Variants in DLAT observed in about 807,000 individuals in gnomAD.
The protein encoded by DLAT is dihydrolipoyllysine-residue acetyltransferase component of pyruvate dehydrogenase complex, mitochondrial.
Under a neutral mutation model 68.0 loss-of-function variants are expected in DLAT, and 43 were observed. The ratio of observed to expected loss-of-function variants is 0.63; its 90% confidence interval spans 0.50 to 0.81. The LOEUF (loss-of-function observed/expected upper bound fraction) is 0.81, where lower values mean the gene tolerates loss of function less well. Ranked by LOEUF, DLAT falls within the 40% of genes least tolerant of loss-of-function variation. The pLI, the probability that DLAT is intolerant of heterozygous loss-of-function variation, is 0.00. For synonymous variants in DLAT, 265 were observed against 288.6 expected (o/e 0.92, Z 0.83); for missense variants, 745 against 815.4 (o/e 0.91, Z 1.05).
chr11:112,060,911 G>A (rs1202448719), intron 12 of DLAT, 127 bp from the exon 13 acceptor site: 1 of 735,322 alleles, frequency 1.4e-6, no homozygotes, highest in Non-Finnish European at 2.2e-6. Flanking sequence ...TCAGTAATGT[G>A]TATTCCATTC....
rs1592648518 is a variant in DLAT at position 112,025,426 on chromosome 11, A to G, written c.-47A>G. The G allele has an allele frequency of 6.3e-7, 1 of 1,586,120 alleles. No homozygotes were observed. ...CAACGCCGCTGCTCTTGGAGAGGTC[A>G]CTCCGGAGACGGCGTTGGTTTTGGG... is the stretch of plus-strand genomic sequence containing the variant. On this transcript the variant is annotated 5_prime_UTR_variant, in exon 1 of 14. Coordinates refer to ENST00000280346, the MANE Select transcript of DLAT (RefSeq NM_001931.5).
intron 11 of DLAT, among the ~76,000 whole-genome samples, chr11:112,052,509 A>G (rs1424534926): frequency 6.6e-6 from 1 of 152,182 alleles, no homozygotes; most frequent in Non-Finnish European, 1.5e-5. Flanking sequence ...TATGTTTATT[A>G]TAAAGGATAT....
rs1387756424 is a variant in DLAT at position 112,026,331 on chromosome 11, A to G, written c.381+32A>G. 1.4e-5 allele frequency: 16 copies of G among 1,170,050 alleles called. 1 individual carries two copies. Among genetic ancestry groups the G allele is most frequent in the Admixed American group, 3.2e-5 (1 of 31,186 alleles). The allele number at this position is 1,170,050 out of a possible 1,614,324, so 72.5% of individuals were successfully genotyped here. A position where few individuals can be genotyped will look rare whatever the true frequency, so the allele number is the denominator to read the frequency against. Reference sequence around the variant, plus strand: ...TTTTTTTTTTTTTTTTAATTAATTTATTTATTTTTTTTATTGATCATTCTT... The same window carrying G: ...TTTTTTTTTTTTTTTTAATTAATTTGTTTATTTTTTTTATTGATCATTCTT... On this transcript the variant is annotated intron_variant, in intron 2 of 13. Transcript: ENST00000280346.
At chr11:112,055,645 G>A (rs889737244) in intron 11 of DLAT, among the ~76,000 whole-genome samples, 187 of 151,884 alleles carry the variant, frequency 1.2e-3, no homozygotes, top group African/African-American at 4.1e-3. Context: ...CTCCTTCTAG[G>A]ATGCTGTTTG....
rs1864823916 is a variant in DLAT, at chr11:112,064,349, TG to T, written c.*1816del. ...AGAAAAAAGTTAGAAATAGTGTTTT[TG>T]GTTCATATGATTATTTAAAAATTAA... is the stretch of plus-strand genomic sequence containing the variant. On this transcript the variant is annotated 3_prime_UTR_variant, in exon 14 of 14. Transcript: ENST00000280346. 5.4e-6 allele frequency: 4 copies of T among 738,826 alleles called. No individual in the cohort carries two copies. In the South Asian group the frequency reaches 9.6e-5, roughly 18 times the overall value. The allele number at this position is 738,826 out of a possible 1,614,324, so 45.8% of individuals were successfully genotyped here. A position where few individuals can be genotyped will look rare whatever the true frequency, so the allele number is the denominator to read the frequency against.
chr11:112,026,243 G>C lies in DLAT; in HGVS notation c.325G>C (p.Ala109Pro). ...CCCCACAATGCAGGCAGGCACCATA[G>C]CCCGTTGGGAAAAAAAAGAGGGGGA... ...LSPTMQAGTIARWEKKEGDKI... is the reference protein window; with the variant it reads ...LSPTMQAGTIPRWEKKEGDKI... The change falls in exon 2 of 14, where the codon GCC becomes CCC. Residue 109 changes from alanine to proline, a missense_variant. Physicochemically the swap from Ala to Pro is conservative, Grantham distance 27. Transcript: ENST00000280346. 1 of 1,609,538 alleles carries C rather than the reference G, an allele frequency of 6.2e-7. No homozygotes were observed. Among genetic ancestry groups the C allele is most frequent in the Middle Eastern group, 1.7e-4 (1 of 6,026 alleles).
At chr11:112,061,522 G>T (rs1258404905) in intron 13 of DLAT, 1 of 294,280 alleles carries the variant, frequency 3.4e-6, no homozygotes, top group African/African-American at 2.2e-5. Flanking sequence ...TATGGATTCG[G>T]AACCCATGGA....
Position 112,048,073 on chromosome 11 carries a change from C to T in DLAT, c.1398+2103C>T, listed in dbSNP as rs587623743. 7.2e-5 allele frequency among the ~76,000 whole-genome samples: 11 copies of T among 152,228 alleles called. No individual in the cohort carries two copies. In the South Asian group the frequency reaches 8.3e-4, roughly 11 times the overall value. Reference sequence around the variant, plus strand: ...ACTTTGGGCAGTATGTCCATTTTCACGATATTGATTCTTCCTATGCATGAG... The same window carrying T: ...ACTTTGGGCAGTATGTCCATTTTCATGATATTGATTCTTCCTATGCATGAG... On this transcript the variant is annotated intron_variant, in intron 10 of 13. Coordinates refer to ENST00000280346, the MANE Select transcript of DLAT (RefSeq NM_001931.5).
intron 10 of DLAT, among the ~76,000 whole-genome samples, chr11:112,046,879 T>G (rs1238316893): frequency 1.3e-5 from 2 of 152,200 alleles, no homozygotes; most frequent in Non-Finnish European, 2.9e-5. Context: ...TGATGGGCAT[T>G]TGGCTTGGTT....
chr11:112,045,918 C>T lies in DLAT; in HGVS notation c.1346C>T (p.Ser449Phe). The T allele has an allele frequency of 6.2e-7, 1 of 1,612,450 alleles. No homozygotes were observed. The highest frequency in any genetic ancestry group is 8.5e-7 in the Non-Finnish European group (1 of 1,178,638). Residue 449 changes from serine (S) to phenylalanine (F), a missense_variant, in exon 10 of 14, where the codon TCT (serine) becomes TTT (phenylalanine). Coordinates refer to ENST00000280346, the MANE Select transcript of DLAT (RefSeq NM_001931.5). ...CAAACCATACCTCATTATTACCTTT[C>T]TATCGATGTAAATATGGGAGAAGTT... ...SKQTIPHYYL[S>F]IDVNMGEVLL... is the part of the protein sequence containing the mutation.
At chr11:112,026,735 C>T (rs1399002053) in intron 2 of DLAT, among the ~76,000 whole-genome samples, 2 of 152,242 alleles carry the variant, frequency 1.3e-5, no homozygotes, top group African/African-American at 2.4e-5. Flanking sequence ...GACACGGCAA[C>T]CATCCGATTT....
chr11:112,062,410 G>T lies in DLAT; in HGVS notation c.1819G>T (p.Asp607Tyr). The T allele has an allele frequency of 6.2e-7, 1 of 1,612,408 alleles. No individual in the cohort carries two copies. Among genetic ancestry groups the T allele is most frequent in the Non-Finnish European group, 8.5e-7 (1 of 1,179,978 alleles). ...AATGTCTTTATCTTTTTCTAGGTTT[G>T]ATGTGGCTAGCATGATGTCTGTTAC... ...LVPADNEKGF[D>Y]VASMMSVTLS... The change falls in exon 14 of 14, where the codon GAT becomes TAT. Residue 607 changes from aspartate (D) to tyrosine (Y), a missense_variant. Coordinates refer to ENST00000280346, the MANE Select transcript of DLAT (RefSeq NM_001931.5).
chr11:112,056,884 C>T (rs1031985318), intron 11 of DLAT, among the ~76,000 whole-genome samples: 2 of 152,156 alleles, frequency 1.3e-5, no homozygotes, highest in East Asian at 3.8e-4. Flanking sequence ...GAGAGTATCT[C>T]GCTTTATTGC....
At chr11:112,054,454 A>G (rs587659186) in intron 11 of DLAT, among the ~76,000 whole-genome samples, 1 of 152,334 alleles carries the variant, frequency 6.6e-6, no homozygotes, top group Admixed American at 6.5e-5. Context: ...GATACCATGA[A>G]TGCTAACCTA....
intron 2 of DLAT, among the ~76,000 whole-genome samples, chr11:112,027,555 G>A (rs1174524166): frequency 6.6e-6 from 1 of 151,906 alleles, no homozygotes; most frequent in African/African-American, 2.4e-5. Flanking sequence ...AGGCGGCTGG[G>A]AGGTGGAGGT....
intron 10 of DLAT, among the ~76,000 whole-genome samples, chr11:112,048,581 TG>T (rs1555181697): frequency 6.6e-6 from 1 of 152,230 alleles, no homozygotes; most frequent in African/African-American, 2.4e-5. Context: ...TTGCCCAGAC[TG>T]GGGTGCAGTG....
intron 5 of DLAT, among the ~76,000 whole-genome samples, chr11:112,035,266 A>G (rs1210540822): frequency 1.3e-5 from 2 of 152,216 alleles, no homozygotes; most frequent in Non-Finnish European, 2.9e-5. Context: ...TACTTCCAGC[A>G]GAGCAGTTCT....
rs1356123951 is a variant in DLAT, at chr11:112,063,605, G to A, written c.*1070G>A. ...CTTTGATAAAGTAAAAAAGTTAAATGTGTGTAAAAAAGTGTTCTGTGTCCT... is the reference window on the plus strand; with the variant it reads ...CTTTGATAAAGTAAAAAAGTTAAATATGTGTAAAAAAGTGTTCTGTGTCCT... On this transcript the variant is annotated 3_prime_UTR_variant, in exon 14 of 14. Coordinates refer to ENST00000280346, the MANE Select transcript of DLAT (RefSeq NM_001931.5). 3 of 152,348 alleles carry A rather than the reference G, an allele frequency of 2.0e-5. No individual in the cohort carries two copies. Among genetic ancestry groups the A allele is most frequent in the African/African-American group, 7.2e-5 (3 of 41,458 alleles). 9.4% of individuals were successfully genotyped at this position (152,348 alleles called of 1,614,324 possible). A position where few individuals can be genotyped will look rare whatever the true frequency, so the allele number is the denominator to read the frequency against.
At chr11:112,039,091 C>G (rs1301560257) in intron 6 of DLAT, among the ~76,000 whole-genome samples, 153 bp from the exon 7 acceptor site, 1 of 151,986 alleles carries the variant, frequency 6.6e-6, no homozygotes, top group Non-Finnish European at 1.5e-5. Flanking sequence ...GTTGGTTAAG[C>G]TGGCGAAAAG....
Sources: gnomAD v4.1 joint callset for allele counts (sites outside exome capture counted in the v4.1 genomes callset) on GRCh38, gnomAD v4.1.1 for gene constraint, MANE v1.5 for transcripts, NCBI Gene and HGNC (gene_info 2026-07-23, HGNC 2026-07-21) for gene names.